ABLIM2: variants seen among roughly 807,000 people sequenced by gnomAD.
The protein encoded by ABLIM2 is actin-binding LIM protein 2.
In ABLIM2, 53 loss-of-function variants were observed where a neutral mutation model predicts 97.7. That is an observed-to-expected ratio of 0.54 (90% CI 0.44 to 0.68). The LOEUF (loss-of-function observed/expected upper bound fraction) is 0.68, where lower values mean the gene tolerates loss of function less well. Among genes scored for constraint, ABLIM2 ranks in the 30% least tolerant of loss-of-function variants. The probability of loss-of-function intolerance (pLI) is 0.00; values close to 1 mark genes in which losing one functional copy is unlikely to be tolerated. For synonymous variants in ABLIM2, 361 were observed against 345.8 expected, an observed-to-expected ratio of 1.04 and a Z score of -0.49; for missense variants, 835 against 867.2, an observed-to-expected ratio of 0.96 and a Z score of 0.47.
At chr4:7,973,105 G>GTGTGTGTGTGTGTGTGTGTA (rs1560327054) in intron 20 of ABLIM2, among the ~76,000 whole-genome samples, 13 of 151,690 alleles carry the variant, frequency 8.6e-5, no homozygotes, top group African/African-American at 2.9e-4. Flanking sequence ...GTGTGTGTGT[G>GTGTGTGTGTGTGTGTGTGTA]TGTGTGTAGG....
In ABLIM2 at chr4:8,058,916, G is replaced by C. The variant is rs1441725442; in HGVS notation, c.763+2051C>G. On this transcript the variant is annotated intron_variant, in intron 7 of 20. Transcript: ENST00000447017. This position sits in a 1 kb window ranked among gnomAD's most constrained non-coding sequence, Gnocchi z 4.2. ...AGCCTGTCTTCGGCAACCATCTTGT[G>C]GGGTCAGTTCAGCAAGAAGCCCAGT... Among the ~76,000 whole-genome samples, 2 of 152,056 alleles carry C rather than the reference G, an allele frequency of 1.3e-5. No homozygotes were observed. Among genetic ancestry groups the C allele is most frequent in the Non-Finnish European group, 2.9e-5 (2 of 68,032 alleles).
rs1469618187 is a variant in ABLIM2 at position 8,072,074 on chromosome 4, C to T, written c.675+5554G>A. 8 of 985,314 alleles carry T rather than the reference C, an allele frequency of 8.1e-6. No homozygotes were observed. Among genetic ancestry groups the T allele is most frequent in the South Asian group, 4.7e-5 (1 of 21,290 alleles). The allele number at this position is 985,314 out of a possible 1,614,324, so 61.0% of individuals were successfully genotyped here. On this transcript the variant is annotated intron_variant, in intron 6 of 20. Coordinates refer to ENST00000447017, the MANE Select transcript of ABLIM2 (RefSeq NM_001130083.2). The surrounding 1 kb of genome is among the most constrained non-coding windows in gnomAD (Gnocchi z 5.8). ...TGTGCAGAGCCCGCCGACTCAGCCA[C>T]GCCGCCACAGACTCGCCTCCCCGGC...
At chr4:7,968,156 G>T (rs990025495) in intron 20 of ABLIM2, among the ~76,000 whole-genome samples, 44 of 152,382 alleles carry the variant, frequency 2.9e-4, no homozygotes, top group Admixed American at 2.7e-3. Flanking sequence ...CTGAGAGGAG[G>T]AACTGGAAAG....
chr4:7,991,693 C>A (rs1213951662), intron 17 of ABLIM2, among the ~76,000 whole-genome samples: 1 of 152,194 alleles, frequency 6.6e-6, no homozygotes, highest in Non-Finnish European at 1.5e-5. Context: ...ATGGGAAGAG[C>A]AGTTCGTGGG....
At chr4:8,047,271 C>T (rs565413548) in intron 8 of ABLIM2, among the ~76,000 whole-genome samples, 5 of 152,310 alleles carry the variant, frequency 3.3e-5, no homozygotes, top group African/African-American at 1.2e-4. Flanking sequence ...CACCTCTGCA[C>T]TCGCCTCCGC....
Position 8,032,728 on chromosome 4 carries a change from A to C in ABLIM2, c.1048-2952T>G, listed in dbSNP as rs755091211. ...GGCCATTAGTGCTGGCGCCAGGCAGAGAGGGAGGAGGGCAGTTCCGTGACT... is the reference window on the plus strand; with the variant it reads ...GGCCATTAGTGCTGGCGCCAGGCAGCGAGGGAGGAGGGCAGTTCCGTGACT... On this transcript the variant is annotated intron_variant, in intron 10 of 20. Coordinates refer to ENST00000447017, the MANE Select transcript of ABLIM2 (RefSeq NM_001130083.2). The surrounding 1 kb of genome is among the most constrained non-coding windows in gnomAD (Gnocchi z 4.3). 7 of 1,608,302 alleles carry C rather than the reference A, an allele frequency of 4.4e-6. No homozygotes were observed. In the South Asian group the frequency reaches 6.6e-5, roughly 15 times the overall value.
intron 3 of ABLIM2, among the ~76,000 whole-genome samples, chr4:8,090,104 T>C (rs1484289235): frequency 6.6e-5 from 10 of 152,320 alleles, no homozygotes; most frequent in Admixed American, 6.5e-4. Context: ...CAGGCTGAGC[T>C]GAACCCAGGG....
Position 8,056,532 on chromosome 4 carries a change from C to A in ABLIM2, c.764-2286G>T, listed in dbSNP as rs192762862. ...ACTAGGCTGGTCTCAAACTCCTGGG[C>A]TCAAGCAATCTGCCTGCCTTGGCCT... On this transcript the variant is annotated intron_variant, in intron 7 of 20. Transcript: ENST00000447017. Among the ~76,000 whole-genome samples the A allele has an allele frequency of 5.6e-3, 848 of 152,114 alleles. 5 individuals carry two copies. The highest frequency in any genetic ancestry group is 0.02 in the African/African-American group (813 of 41,542).
At chr4:8,102,969 G>A (rs192141604) in intron 2 of ABLIM2, among the ~76,000 whole-genome samples, 10 of 152,358 alleles carry the variant, frequency 6.6e-5, no homozygotes, top group African/African-American at 1.9e-4. Context: ...AGGGTTATGC[G>A]AGGAGACAGG....
intron 20 of ABLIM2, among the ~76,000 whole-genome samples, chr4:7,975,584 C>T (rs749985238): frequency 9.9e-5 from 15 of 152,190 alleles, no homozygotes; most frequent in South Asian, 2.1e-4. Context: ...AAATGATGTC[C>T]GCTCCATCCC....
intron 6 of ABLIM2, among the ~76,000 whole-genome samples, chr4:8,064,462 G>A (rs1400441098): frequency 1.3e-5 from 2 of 152,180 alleles, no homozygotes; most frequent in Non-Finnish European, 2.9e-5. Flanking sequence ...CCCTCACCAT[G>A]GGACTCTGCA....
In ABLIM2 at chr4:8,005,354, C is replaced by G. The variant is rs1449323701; in HGVS notation, c.1618+2705G>C. ...TTGAATGTAACGCATTTCAATTCAACAGACATTTATTGAGTGCCCACTGTG... is the reference window on the plus strand; with the variant it reads ...TTGAATGTAACGCATTTCAATTCAAGAGACATTTATTGAGTGCCCACTGTG... On this transcript the variant is annotated intron_variant, in intron 16 of 20. Coordinates refer to ENST00000447017, the MANE Select transcript of ABLIM2 (RefSeq NM_001130083.2). This position sits in a 1 kb window ranked among gnomAD's most constrained non-coding sequence, Gnocchi z 4.9. 1 of 533,686 alleles carries G rather than the reference C, an allele frequency of 1.9e-6. No homozygotes were observed. Among genetic ancestry groups the G allele is most frequent in the South Asian group, 1.4e-5 (1 of 71,534 alleles). The allele number at this position is 533,686 out of a possible 1,614,324, so 33.1% of individuals were successfully genotyped here.
At chr4:8,096,628 A>G (rs1347543615) in intron 3 of ABLIM2, among the ~76,000 whole-genome samples, 1 of 152,270 alleles carries the variant, frequency 6.6e-6, no homozygotes, top group East Asian at 1.9e-4. Flanking sequence ...GACAGGGAGT[A>G]CAGAACAGAA....
At chr4:8,105,358 A>G (rs1353397190) in intron 2 of ABLIM2, among the ~76,000 whole-genome samples, 1 of 152,214 alleles carries the variant, frequency 6.6e-6, no homozygotes, top group Non-Finnish European at 1.5e-5. Flanking sequence ...TATCTCCCTC[A>G]GCAGACAGCG....
chr4:8,067,126 G>T lies in ABLIM2; in HGVS notation c.676-6072C>A, dbSNP rs1275037909. ...AAGGCCATGTCATTGAGAGAATGAGGAGCCAGGATCCAAAGAAGGCAGGCT... is the reference window on the plus strand; with the variant it reads ...AAGGCCATGTCATTGAGAGAATGAGTAGCCAGGATCCAAAGAAGGCAGGCT... On this transcript the variant is annotated intron_variant, in intron 6 of 20. Transcript: ENST00000447017. The surrounding 1 kb of genome is among the most constrained non-coding windows in gnomAD (Gnocchi z 5.4). 1.3e-5 allele frequency: 2 copies of T among 152,238 alleles called. No individual in the cohort carries two copies. The highest frequency in any genetic ancestry group is 1.3e-4 in the Admixed American group (2 of 15,286). The allele number at this position is 152,238 out of a possible 1,614,324, so 9.4% of individuals were successfully genotyped here.
At position 8,054,130 on chromosome 4, in the gene ABLIM2, C is replaced by G. The variant is rs1305899298; in HGVS notation, c.822+58G>C. On this transcript the variant is annotated intron_variant, in intron 8 of 20. Transcript: ENST00000447017. This position sits in a 1 kb window ranked among gnomAD's most constrained non-coding sequence, Gnocchi z 4.9. The stretch of plus-strand genomic sequence containing the variant: ...TCTGGTCAGTGTCCTCTTAACTGTA[C>G]AAAGATGGTGCAGGAGCAGTGAAGG... 6.3e-7 allele frequency: 1 copy of G among 1,582,302 alleles called. No homozygotes were observed. Among genetic ancestry groups the G allele is most frequent in the African/African-American group, 1.3e-5 (1 of 74,370 alleles).
chr4:8,051,019 G>A (rs937481378), intron 8 of ABLIM2, among the ~76,000 whole-genome samples: 4 of 152,252 alleles, frequency 2.6e-5, no homozygotes, highest in Non-Finnish European at 2.9e-5. Context: ...ACCCCTGCCC[G>A]CTAGGCCAGT....
rs553486404 is a variant in ABLIM2 at position 8,113,204 on chromosome 4, C to G, written c.11-6567G>C. Among the ~76,000 whole-genome samples the G allele has an allele frequency of 1.3e-5, 2 of 152,280 alleles. No individual in the cohort carries two copies. The highest frequency in any genetic ancestry group is 1.3e-4 in the Admixed American group (2 of 15,302). The stretch of plus-strand genomic sequence containing the variant: ...CAACCTCCCGGGATCAAGCCATCCT[C>G]CCACCTCAGCCTCCCGAGTAGCTGG... On this transcript the variant is annotated intron_variant, in intron 1 of 20. Transcript: ENST00000447017. This position sits in a 1 kb window ranked among gnomAD's most constrained non-coding sequence, Gnocchi z 4.5.
chr4:7,969,554 T>G (rs1350064191), intron 20 of ABLIM2, among the ~76,000 whole-genome samples: 1 of 152,140 alleles, frequency 6.6e-6, no homozygotes, highest in Non-Finnish European at 1.5e-5. Context: ...CTATGAAAAG[T>G]GTAAACCATT....
Sources: allele counts gnomAD v4.1 joint callset (sites outside exome capture counted in the v4.1 genomes callset), GRCh38; gene constraint gnomAD v4.1.1; non-coding constraint Gnocchi (gnomAD v3.1); transcripts MANE v1.5; gene names NCBI Gene and HGNC (gene_info 2026-07-23, HGNC 2026-07-21).